Variants in PCDH7 observed in about 807,000 individuals in gnomAD.
The protein encoded by PCDH7 is protocadherin-7.
In PCDH7, 17 loss-of-function variants were observed where a neutral mutation model predicts 58.9. That is an observed-to-expected ratio of 0.29 (90% confidence interval 0.20 to 0.43). PCDH7 has a LOEUF of 0.43. PCDH7 is among the 20% of genes least tolerant of loss of function. The pLI is 1.00. For synonymous variants in PCDH7, 664 were observed against 616.4 expected (o/e 1.08, Z -1.14); for missense variants, 1,274 against 1,441.0 (o/e 0.88, Z 1.88).
intron 1 of PCDH7, among the ~76,000 whole-genome samples, chr4:30,912,430 C>T (rs1474558730): frequency 6.6e-6 from 1 of 152,108 alleles, no homozygotes; most frequent in Admixed American, 6.5e-5. Context: ...ATGTTCTGCT[C>T]CATGACTGTT....
intron 3 of PCDH7, among the ~76,000 whole-genome samples, chr4:31,122,795 T>A (rs1578857641): frequency 6.6e-6 from 1 of 152,110 alleles, no homozygotes; most frequent in East Asian, 1.9e-4. Context: ...AAAATAGCAA[T>A]TATATAAAAA....
chr4:30,801,942 C>T (rs1725575731), intron 1 of PCDH7, among the ~76,000 whole-genome samples: 1 of 152,140 alleles, frequency 6.6e-6, no homozygotes, highest in Non-Finnish European at 1.5e-5. Context: ...AACTAGCCAA[C>T]CTTTTGGTTA....
intron 1 of PCDH7, among the ~76,000 whole-genome samples, chr4:30,744,800 A>T (rs946700839): frequency 6.6e-6 from 1 of 152,232 alleles, no homozygotes; most frequent in Admixed American, 6.5e-5. Flanking sequence ...ACATTTCAAC[A>T]AGTTTTTGCT....
chr4:30,894,542 C>T (rs1371962375), intron 1 of PCDH7, among the ~76,000 whole-genome samples: 1 of 111,476 alleles, frequency 9.0e-6, no homozygotes, highest in African/African-American at 3.6e-5. Flanking sequence ...CACACACACA[C>T]ACACACACAC....
chr4:30,870,577 G>A (rs1408552819), intron 1 of PCDH7, among the ~76,000 whole-genome samples: 4 of 152,024 alleles, frequency 2.6e-5, no homozygotes, highest in Admixed American at 2.0e-4. Flanking sequence ...AACCATAGAA[G>A]GCTTCTATGG....
At chr4:31,073,119 A>C (rs1758690850) in intron 3 of PCDH7, among the ~76,000 whole-genome samples, 1 of 152,160 alleles carries the variant, frequency 6.6e-6, no homozygotes, top group Non-Finnish European at 1.5e-5. Flanking sequence ...AAGCAAGTGA[A>C]ATAAGTATTT....
At chr4:31,031,998 G>C (rs895235811) in intron 3 of PCDH7, among the ~76,000 whole-genome samples, 1 of 152,082 alleles carries the variant, frequency 6.6e-6, no homozygotes, top group South Asian at 2.1e-4. Context: ...CTCAATCTCC[G>C]AAAGCAGCAA....
rs1321480007 is a variant in PCDH7, at chr4:30,824,139, CTTTCTTTCTTTCTTTCTTTCTTTT to C, written c.71-96012_71-95989del. Among the ~76,000 whole-genome samples the C allele has an allele frequency of 2.7e-4, 38 of 138,244 alleles. 1 individual carries two copies. In the East Asian group the frequency reaches 6.3e-3, roughly 23 times the overall value. 90.7% of individuals were successfully genotyped at this position (138,244 alleles called of 152,430 possible). A position where few individuals can be genotyped will look rare whatever the true frequency, so the allele number is the denominator to read the frequency against. On this transcript the variant is annotated intron_variant, in intron 1 of 3. Transcript: ENST00000509759. ...TCTTTCTTTCTTTCTTTCTTTCTTT[CTTTCTTTCTTTCTTTCTTTCTTTT>C]TGCTTCCCTCATATATGTGATTCTC...
intron 1 of PCDH7, among the ~76,000 whole-genome samples, chr4:30,875,422 TG>T: frequency 6.6e-6 from 1 of 152,040 alleles, no homozygotes; most frequent in Non-Finnish European, 1.5e-5. Context: ...GTATGGATTT[TG>T]GGGAGACACA....
downstream of PCDH7, among the ~76,000 whole-genome samples, chr4:30,736,304 C>T (rs939008519): frequency 1.3e-5 from 2 of 151,990 alleles, no homozygotes; most frequent in African/African-American, 4.8e-5. Context: ...GTTGGATGGA[C>T]TAAATATTTC....
chr4:31,124,043 T>C (rs1717999130), intron 3 of PCDH7, among the ~76,000 whole-genome samples: 1 of 152,068 alleles, frequency 6.6e-6, no homozygotes, highest in Non-Finnish European at 1.5e-5. Flanking sequence ...GGGGTTTTTA[T>C]GGGTACAGGG....
intron 1 of PCDH7, among the ~76,000 whole-genome samples, chr4:30,730,200 A>G (rs951254944): frequency 6.6e-6 from 1 of 151,990 alleles, no homozygotes; most frequent in Admixed American, 6.6e-5. Context: ...CGATTTCTAG[A>G]CTATGGCAAG....
intron 3 of PCDH7, among the ~76,000 whole-genome samples, chr4:30,959,401 T>A (rs1748173188): frequency 6.6e-6 from 1 of 152,128 alleles, no homozygotes; most frequent in Non-Finnish European, 1.5e-5. Flanking sequence ...CAGAGATACA[T>A]ATTATCTTGT....
chr4:30,963,884 A>G (rs1229008149), intron 3 of PCDH7, among the ~76,000 whole-genome samples: 1 of 152,218 alleles, frequency 6.6e-6, no homozygotes, highest in Admixed American at 6.5e-5. Context: ...GGCTATTGGC[A>G]GTCTCAGAGG....
intron 3 of PCDH7, among the ~76,000 whole-genome samples, chr4:31,134,452 C>A (rs908381233): frequency 6.6e-5 from 10 of 152,018 alleles, no homozygotes; most frequent in African/African-American, 1.9e-4. Flanking sequence ...GAGCTAGACT[C>A]CATCTCAAAA....
At chr4:30,983,449 T>G (rs1416841851) in intron 3 of PCDH7, among the ~76,000 whole-genome samples, 4 of 152,214 alleles carry the variant, frequency 2.6e-5, no homozygotes, top group Admixed American at 6.5e-5. Flanking sequence ...CATTTAACTT[T>G]CAAATCAACT....
chr4:30,757,059 A>G (rs774249400), intron 1 of PCDH7, among the ~76,000 whole-genome samples: 21 of 152,224 alleles, frequency 1.4e-4, no homozygotes, highest in East Asian at 1.9e-4. Flanking sequence ...CATCCTTTCA[A>G]TGTCACATTC....
intron 1 of PCDH7, among the ~76,000 whole-genome samples, chr4:30,765,374 G>GGAATAAGGCTA (rs1560346404): frequency 1.3e-5 from 2 of 151,742 alleles, no homozygotes; most frequent in Non-Finnish European, 2.9e-5. Context: ...AATAGAGGCT[G>GGAATAAGGCTA]TTAATTGTCC....
intron 1 of PCDH7, among the ~76,000 whole-genome samples, chr4:30,857,205 T>C (rs1259726896): frequency 1.3e-5 from 2 of 152,154 alleles, no homozygotes; most frequent in Non-Finnish European, 2.9e-5. Context: ...TCTGAATGCC[T>C]TTCATTTAAT....
Sources: gnomAD v4.1 joint callset for allele counts (sites outside exome capture counted in the v4.1 genomes callset) on GRCh38, gnomAD v4.1.1 for gene constraint, MANE v1.5 for transcripts, NCBI Gene and HGNC (gene_info 2026-07-23, HGNC 2026-07-21) for gene names.